SLC25A21: variants seen among roughly 807,000 people sequenced by gnomAD.
SLC25A21 encodes solute carrier family 25 member 21, also known as mitochondrial 2-oxodicarboxylate carrier.
SLC25A21 carries 47 observed loss-of-function variants against 43.8 expected under a neutral mutation model. The observed-to-expected ratio is 1.07, with a 90% CI of 0.85 to 1.37. The LOEUF (loss-of-function observed/expected upper bound fraction) is 1.37. Ranked by LOEUF, SLC25A21 falls within the 40% of genes most tolerant of loss-of-function variation. The probability of loss-of-function intolerance (pLI) is 0.00; values close to 1 mark genes in which losing one functional copy is unlikely to be tolerated. For missense variants in SLC25A21, 352 were observed against 350.2 expected (o/e 1.00, Z -0.04); for synonymous variants, 131 against 121.3 (o/e 1.08, Z -0.52).
intron 1 of SLC25A21, among the ~76,000 whole-genome samples, chr14:36,898,526 G>A (rs553658560): frequency 1.8e-3 from 270 of 152,276 alleles, no homozygotes; most frequent in African/African-American, 5.9e-3. Flanking sequence ...CTCTCAGTGT[G>A]CTGCACCCAC....
At chr14:37,004,070 C>CT (rs1217310776) in intron 1 of SLC25A21, among the ~76,000 whole-genome samples, 4 of 152,204 alleles carry the variant, frequency 2.6e-5, no homozygotes, top group Admixed American at 1.3e-4. Flanking sequence ...CCAGCAGAGA[C>CT]TACTGCTGCA....
At chr14:36,789,744 A>C (rs1368642557) in intron 3 of SLC25A21, among the ~76,000 whole-genome samples, 1 of 131,936 alleles carries the variant, frequency 7.6e-6, no homozygotes, top group Non-Finnish European at 1.6e-5. Flanking sequence ...ATATTTATAT[A>C]TAATACATTT....
intron 2 of SLC25A21, among the ~76,000 whole-genome samples, chr14:36,852,802 C>T (rs531319098): frequency 7.2e-5 from 11 of 151,842 alleles, no homozygotes; most frequent in African/African-American, 2.4e-4. Flanking sequence ...AAACACACAG[C>T]TGACCATATT....
At chr14:37,080,913 CT>C in intron 1 of SLC25A21, among the ~76,000 whole-genome samples, 1 of 152,232 alleles carries the variant, frequency 6.6e-6, no homozygotes, top group South Asian at 2.1e-4. Context: ...ATACAATTGT[CT>C]TTGGCTAATC....
At chr14:37,164,483 C>T (rs956798394) in intron 1 of SLC25A21, among the ~76,000 whole-genome samples, 1 of 152,122 alleles carries the variant, frequency 6.6e-6, no homozygotes, top group African/African-American at 2.4e-5. Context: ...CCTGAATTTC[C>T]AAAGGTGCCA....
chr14:36,905,199 T>C (rs571506755), intron 1 of SLC25A21, among the ~76,000 whole-genome samples: 1 of 152,328 alleles, frequency 6.6e-6, no homozygotes, highest in African/African-American at 2.4e-5. Flanking sequence ...TGCTGGATCA[T>C]GAACTATGGT....
At chr14:36,845,190 A>G (rs1278452767) in intron 2 of SLC25A21, among the ~76,000 whole-genome samples, 1 of 152,204 alleles carries the variant, frequency 6.6e-6, no homozygotes, top group Non-Finnish European at 1.5e-5. Context: ...AGGCAGGCTA[A>G]CAATTTAACT....
At chr14:36,862,180 C>G (rs956755009) in intron 2 of SLC25A21, among the ~76,000 whole-genome samples, 1 of 152,124 alleles carries the variant, frequency 6.6e-6, no homozygotes, top group Non-Finnish European at 1.5e-5. Context: ...ACTAGTTCAG[C>G]CATTGTGGAA....
chr14:36,945,780 G>A (rs989021783), intron 1 of SLC25A21, among the ~76,000 whole-genome samples: 3 of 152,144 alleles, frequency 2.0e-5, no homozygotes, highest in African/African-American at 7.2e-5. Context: ...AAAGAGTTCT[G>A]GAGATGAATG....
chr14:36,815,758 G>A (rs998210515), intron 2 of SLC25A21, among the ~76,000 whole-genome samples: 3 of 151,826 alleles, frequency 2.0e-5, no homozygotes, highest in African/African-American at 7.3e-5. Flanking sequence ...CATTTCTCCC[G>A]TACCTGAGTT....
At chr14:37,158,144 T>C (rs559587876) in intron 1 of SLC25A21, among the ~76,000 whole-genome samples, 41 of 152,258 alleles carry the variant, frequency 2.7e-4, no homozygotes, top group Non-Finnish European at 4.9e-4. Flanking sequence ...AGTCATATTC[T>C]ACCAAACATA....
At chr14:37,042,899 A>AT (rs1429271150) in intron 1 of SLC25A21, among the ~76,000 whole-genome samples, 1 of 152,206 alleles carries the variant, frequency 6.6e-6, no homozygotes, top group Non-Finnish European at 1.5e-5. Context: ...CTCCTGGCCC[A>AT]TATACTAAAC....
intron 1 of SLC25A21, among the ~76,000 whole-genome samples, chr14:37,080,959 T>G (rs981482174): frequency 6.6e-6 from 1 of 152,178 alleles, no homozygotes; most frequent in African/African-American, 2.4e-5. Flanking sequence ...AATAAATTGT[T>G]AAATGGTTAT....
rs1882130211 is a variant in SLC25A21, at chr14:36,679,906, C to G, written c.*752G>C. 5 of 954,792 alleles carry G rather than the reference C, an allele frequency of 5.2e-6. No individual in the cohort carries two copies. The highest frequency in any genetic ancestry group is 4.9e-5 in the South Asian group (1 of 20,604). The allele number at this position is 954,792 out of a possible 1,614,324, so 59.1% of individuals were successfully genotyped here. ...AGTAAATTTTATTTCATGTTTCCTACTTGTGTTAGAAGAGATTTGGAATAC... is the reference window on the plus strand; with the variant it reads ...AGTAAATTTTATTTCATGTTTCCTAGTTGTGTTAGAAGAGATTTGGAATAC... On this transcript the variant is annotated 3_prime_UTR_variant, in exon 10 of 10. Transcript: ENST00000331299.
chr14:37,114,441 T>G (rs1294819487), intron 1 of SLC25A21, among the ~76,000 whole-genome samples: 2 of 152,184 alleles, frequency 1.3e-5, no homozygotes, highest in African/African-American at 4.8e-5. Flanking sequence ...CCAAGTATAT[T>G]AGAAACTTTG....
Position 37,172,267 on chromosome 14 carries a change from C to G in SLC25A21, c.70+14G>C. 6.3e-7 allele frequency: 1 copy of G among 1,582,320 alleles called. No individual in the cohort carries two copies. Among genetic ancestry groups the G allele is most frequent in the Non-Finnish European group, 8.6e-7 (1 of 1,163,866 alleles). ...GCGACTAGCCTCCGGCGGGGCAGGGCGGGCTGTCCTTACCTGCAGAACCAC... is the reference window on the plus strand; with the variant it reads ...GCGACTAGCCTCCGGCGGGGCAGGGGGGGCTGTCCTTACCTGCAGAACCAC... On this transcript the variant is annotated intron_variant, in intron 1 of 9. Coordinates refer to ENST00000331299, the MANE Select transcript of SLC25A21 (RefSeq NM_030631.4).
chr14:37,122,374 C>T lies in SLC25A21; in HGVS notation c.70+49907G>A, dbSNP rs564096634. Among the ~76,000 whole-genome samples, 10 of 152,310 alleles carry T rather than the reference C, an allele frequency of 6.6e-5. No homozygotes were observed. In the South Asian group the frequency reaches 1.9e-3, roughly 28 times the overall value. ...AGAGAGGAATGTGGCTTAACAGTAG[C>T]ACATTCCTTCCCTTATTCGTTCAAA... On this transcript the variant is annotated intron_variant, in intron 1 of 9. Transcript: ENST00000331299.
At chr14:36,812,911 T>A (rs1888322706) in intron 3 of SLC25A21, among the ~76,000 whole-genome samples, 1 of 152,164 alleles carries the variant, frequency 6.6e-6, no homozygotes, top group Non-Finnish European at 1.5e-5. Flanking sequence ...ACCTACATCA[T>A]AAAGTTGTAA....
intron 1 of SLC25A21, among the ~76,000 whole-genome samples, chr14:37,123,323 A>C (rs1272148589): frequency 6.6e-6 from 1 of 152,218 alleles, no homozygotes; most frequent in Admixed American, 6.5e-5. Flanking sequence ...CAACAACTAA[A>C]TGAAAACAAG....
Sources: gnomAD v4.1 joint callset for allele counts (sites outside exome capture counted in the v4.1 genomes callset) on GRCh38, gnomAD v4.1.1 for gene constraint, MANE v1.5 for transcripts, NCBI Gene and HGNC (gene_info 2026-07-23, HGNC 2026-07-21) for gene names.